Variants in ANO4 observed in about 807,000 individuals in gnomAD.
The protein encoded by ANO4 is anoctamin 4.
In ANO4, 69 loss-of-function variants were observed where a neutral mutation model predicts 141.9. That is an observed-to-expected ratio of 0.49 (90% CI 0.40 to 0.59). ANO4 has a LOEUF of 0.59. ANO4 is among the 20% of genes least tolerant of loss of function. The pLI is 0.00. For missense variants in ANO4, 894 were observed against 1,162.2 expected (o/e 0.77, Z 3.36); for synonymous variants, 350 against 394.3 (o/e 0.89, Z 1.33).
Position 100,949,983 on chromosome 12 carries a change from C to T in ANO4, c.456+7448C>T, listed in dbSNP as rs554267905. Among the ~76,000 whole-genome samples the T allele has an allele frequency of 3.2e-4, 49 of 152,282 alleles. 1 individual carries two copies. The South Asian group carries it at 9.5e-3, about 30-fold the overall frequency. ...TAAAGAGCTAATCTCATGCAGATGG[C>T]TCTGTTCCCTTGTAGACTTCCTGCC... is the stretch of plus-strand genomic sequence containing the variant. On this transcript the variant is annotated intron_variant, in intron 5 of 27. Coordinates refer to ENST00000392977, the MANE Select transcript of ANO4 (RefSeq NM_001286615.2).
chr12:101,035,163 G>T (rs147908625), intron 9 of ANO4, among the ~76,000 whole-genome samples: 209 of 152,178 alleles, frequency 1.4e-3, no homozygotes, highest in African/African-American at 4.7e-3. Flanking sequence ...ATCATCAGGA[G>T]AATAGATAAA....
upstream of ANO4, among the ~76,000 whole-genome samples, chr12:100,791,194 C>T (rs1050790968): frequency 2.0e-5 from 3 of 151,992 alleles, no homozygotes; most frequent in Non-Finnish European, 4.4e-5. Flanking sequence ...GCCTGGGCAA[C>T]ACGGTGAAAC....
chr12:101,058,439 A>G (rs1365086903), intron 14 of ANO4, among the ~76,000 whole-genome samples: 2 of 152,206 alleles, frequency 1.3e-5, no homozygotes. Context: ...TTGAATCTAT[A>G]AATTACTTGG....
At chr12:100,857,685 A>G (rs1441832604) in intron 1 of ANO4, among the ~76,000 whole-genome samples, 1 of 152,156 alleles carries the variant, frequency 6.6e-6, no homozygotes, top group African/African-American at 2.4e-5. Context: ...TAAAATAAGA[A>G]GTTGAGTCCT....
intron 22 of ANO4, among the ~76,000 whole-genome samples, chr12:101,103,999 A>C (rs998448798): frequency 1.3e-5 from 2 of 151,888 alleles, no homozygotes; most frequent in East Asian, 3.8e-4. Flanking sequence ...TGTTCATTTC[A>C]TCTAAATTTT....
In ANO4 at chr12:100,824,838, A is replaced by G. The variant is rs141603223; in HGVS notation, c.-141+29811A>G. 2.2e-4 allele frequency among the ~76,000 whole-genome samples: 33 copies of G among 152,180 alleles called. No individual in the cohort carries two copies. The East Asian group carries it at 3.9e-3, about 18-fold the overall frequency. On this transcript the variant is annotated intron_variant, in intron 1 of 27. Coordinates refer to ENST00000392977, the MANE Select transcript of ANO4 (RefSeq NM_001286615.2). The stretch of plus-strand genomic sequence containing the variant: ...TTTTAATTTGAGTATTGGCAGATTA[A>G]GAGGACTCAGTGACAAAGGAGCTAT...
At chr12:100,801,093 G>GTCTCTC (rs35462149) in intron 1 of ANO4, among the ~76,000 whole-genome samples, 6,090 of 147,198 alleles carry the variant, frequency 0.041, 217 homozygotes, top group Admixed American at 0.12. Flanking sequence ...TTGTCTACTT[G>GTCTCTC]TCTCTCTCTC....
intron 3 of ANO4, among the ~76,000 whole-genome samples, chr12:100,765,058 T>C (rs2033021149): frequency 6.6e-6 from 1 of 152,192 alleles, no homozygotes; most frequent in Non-Finnish European, 1.5e-5. Context: ...AAATGTTTGG[T>C]AGACTTTACC....
chr12:101,099,584 T>G lies in ANO4; in HGVS notation c.2013T>G (p.Ile671Met). ...NNFMELGYPL[I>M]QNWWTRRKVR... ...AATTGATCTTTTTGCCCAGGTTAAT[T>G]CAGAATTGGTGGACTAGAAGAAAAG... The change falls in exon 22 of 28, where the codon ATT becomes ATG. Residue 671 changes from isoleucine (I) to methionine (M), a missense_variant. This residue lies in a region of ANO4 where 637 missense variants were observed against 909.2 expected (regional missense o/e 0.70). Transcript: ENST00000392977. 1 of 1,597,280 alleles carries G rather than the reference T, an allele frequency of 6.3e-7. No individual in the cohort carries two copies. Among genetic ancestry groups the G allele is most frequent in the Admixed American group, 1.8e-5 (1 of 54,962 alleles).
At chr12:100,741,320 G>A (rs1182826165) in intron 3 of ANO4, among the ~76,000 whole-genome samples, 1 of 152,174 alleles carries the variant, frequency 6.6e-6, no homozygotes, top group East Asian at 1.9e-4. Flanking sequence ...GAGGTAAGAT[G>A]CTGAGGTTGC....
intron 14 of ANO4, among the ~76,000 whole-genome samples, chr12:101,064,663 T>TATAATAATAATA (rs199759578): frequency 4.3e-3 from 555 of 130,176 alleles, no homozygotes; most frequent in African/African-American, 0.013. Context: ...CTTAAAGTAT[T>TATAATAATAATA]ATAATAATAA....
chr12:100,851,613 T>C (rs1236466813), intron 1 of ANO4, among the ~76,000 whole-genome samples: 1 of 152,234 alleles, frequency 6.6e-6, no homozygotes, highest in African/African-American at 2.4e-5. Context: ...ATGACAAATA[T>C]TCATCCATAT....
chr12:100,999,917 T>C (rs981319102), intron 8 of ANO4, among the ~76,000 whole-genome samples: 4 of 149,984 alleles, frequency 2.7e-5, no homozygotes, highest in African/African-American at 7.4e-5. Flanking sequence ...GGCATGGTGG[T>C]GCAAGACTGT....
At chr12:100,801,766 A>C (rs1338753722) in intron 1 of ANO4, among the ~76,000 whole-genome samples, 4 of 151,978 alleles carry the variant, frequency 2.6e-5, no homozygotes, top group East Asian at 1.9e-4. Context: ...GGTGGAGGGA[A>C]GGTGGAAAAT....
At chr12:100,957,698 C>G (rs2043226552) in intron 5 of ANO4, among the ~76,000 whole-genome samples, 1 of 152,222 alleles carries the variant, frequency 6.6e-6, no homozygotes, top group Non-Finnish European at 1.5e-5. Context: ...TCAAGCGATT[C>G]TCACACCTCA....
chr12:101,017,637 C>CAA lies in ANO4; in HGVS notation c.735-2396_735-2395insAA, dbSNP rs536343604. ...TGGCAGACAGAGGCAAGCGAGCAAA[C>CAA]AGAGTCACCACAGGGGTAGCCTTTG... On this transcript the variant is annotated intron_variant, in intron 8 of 27. Coordinates refer to ENST00000392977, the MANE Select transcript of ANO4 (RefSeq NM_001286615.2). Among the ~76,000 whole-genome samples, 473 of 152,338 alleles carry CAA rather than the reference C, an allele frequency of 3.1e-3. 3 individuals are homozygous for CAA. Among genetic ancestry groups the CAA allele is most frequent in the African/African-American group, 0.011 (442 of 41,580 alleles).
chr12:100,721,710 A>C (rs1427634145), intron 1 of ANO4, among the ~76,000 whole-genome samples: 1 of 151,944 alleles, frequency 6.6e-6, no homozygotes, highest in African/African-American at 2.4e-5. Flanking sequence ...ACAATGTCTC[A>C]CTCTGTTGCC....
intron 3 of ANO4, among the ~76,000 whole-genome samples, chr12:100,928,002 C>G (rs2136125548): frequency 6.6e-6 from 1 of 152,190 alleles, no homozygotes; most frequent in South Asian, 2.1e-4. Flanking sequence ...ATAGCTGTGC[C>G]TACATTAGGG....
chr12:100,946,180 A>C (rs539496172), intron 5 of ANO4, among the ~76,000 whole-genome samples: 1 of 152,346 alleles, frequency 6.6e-6, no homozygotes, highest in African/African-American at 2.4e-5. Context: ...AGCAAGGTGA[A>C]GAATAGTGAG....
Sources: gnomAD v4.1 joint callset for allele counts (sites outside exome capture counted in the v4.1 genomes callset) on GRCh38, gnomAD v4.1.1 for gene constraint, gnomAD v4.1.1 regional missense constraint, MANE v1.5 for transcripts, NCBI Gene and HGNC (gene_info 2026-07-23, HGNC 2026-07-21) for gene names.